Variants in TRIM67 observed in about 807,000 individuals in gnomAD.
TRIM67 encodes the protein tripartite motif containing 67.
A neutral mutation model predicts 71.0 loss-of-function variants in TRIM67; 39 were observed. That is an observed-to-expected ratio of 0.55 (90% CI 0.43 to 0.72). The LOEUF (loss-of-function observed/expected upper bound fraction) is 0.72. Ranked by LOEUF, TRIM67 falls within the 30% of genes least tolerant of loss-of-function variation. The pLI, the probability that TRIM67 is intolerant of heterozygous loss-of-function variation, is 0.00. For missense variants in TRIM67, 973 were observed against 1,079.2 expected, an observed-to-expected ratio of 0.90 and a Z score of 1.38; for synonymous variants, 481 against 473.9, an observed-to-expected ratio of 1.01 and a Z score of -0.19.
chr1:231,177,080 G>C (rs1682774560), intron 1 of TRIM67, among the ~76,000 whole-genome samples: 1 of 152,086 alleles, frequency 6.6e-6, no homozygotes, highest in Non-Finnish European at 1.5e-5. Flanking sequence ...GCTGATTTTG[G>C]TCATTTAAAT....
At chr1:231,212,219 A>G (rs371907524) in intron 8 of TRIM67, among the ~76,000 whole-genome samples, 19 of 152,384 alleles carry the variant, frequency 1.2e-4, no homozygotes, top group African/African-American at 4.3e-4. Context: ...AGTTACAAGA[A>G]GAGCAACGGT....
intron 5 of TRIM67, among the ~76,000 whole-genome samples, chr1:231,202,071 G>GTGGAAA (rs1683545106): frequency 8.1e-6 from 1 of 123,168 alleles, no homozygotes; most frequent in Non-Finnish European, 1.6e-5. Context: ...GGAGATGGAG[G>GTGGAAA]AGGAGGAGGT....
intron 6 of TRIM67, 69 bp downstream of exon 6, chr1:231,204,081 C>A: frequency 1.3e-6 from 2 of 1,589,672 alleles, no homozygotes; most frequent in Non-Finnish European, 1.7e-6. Context: ...GCTCCCACTG[C>A]CCCAGACTCT....
intron 1 of TRIM67, among the ~76,000 whole-genome samples, chr1:231,174,557 G>C (rs1054127250): frequency 6.6e-6 from 1 of 151,802 alleles, no homozygotes; most frequent in African/African-American, 2.4e-5. Flanking sequence ...CCATTTCACT[G>C]GTTATTTTTT....
rs1374998987 is a variant in TRIM67 at position 231,219,328 on chromosome 1, C to A, written c.*3888C>A. 10 of 986,236 alleles carry A rather than the reference C, an allele frequency of 1.0e-5. No individual in the cohort carries two copies. In the African/African-American group the frequency reaches 1.7e-4, roughly 17 times the overall value. The allele number at this position is 986,236 out of a possible 1,614,324, so 61.1% of individuals were successfully genotyped here. A position where few individuals can be genotyped will look rare whatever the true frequency, so the allele number is the denominator to read the frequency against. On this transcript the variant is annotated 3_prime_UTR_variant, in exon 10 of 10. Coordinates refer to ENST00000366653, the MANE Select transcript of TRIM67 (RefSeq NM_001004342.5). The stretch of plus-strand genomic sequence containing the variant: ...AGTATCTGTCGACATTGCTAGGTAT[C>A]TCCTGGGGGCCTCCACAAGTTGAGA...
At chr1:231,169,735 G>T (rs60947613) in intron 1 of TRIM67, among the ~76,000 whole-genome samples, 1 of 152,046 alleles carries the variant, frequency 6.6e-6, no homozygotes, top group Non-Finnish European at 1.5e-5. Flanking sequence ...TCTGGGAAAA[G>T]AAGTGCCTAG....
chr1:231,220,109 C>A lies in TRIM67; in HGVS notation c.*4669C>A. The A allele has an allele frequency of 1.9e-6, 1 of 531,950 alleles. No homozygotes were observed. The highest frequency in any genetic ancestry group is 3.1e-6 in the Non-Finnish European group (1 of 325,562). The allele number at this position is 531,950 out of a possible 1,614,324, so 33.0% of individuals were successfully genotyped here. On this transcript the variant is annotated 3_prime_UTR_variant, in exon 10 of 10. Coordinates refer to ENST00000366653, the MANE Select transcript of TRIM67 (RefSeq NM_001004342.5). ...ATAACATTTTTAAAGAAAAAAAGTG[C>A]AGTCTTTCATCTCTGGCATCTAAGC...
intron 2 of TRIM67, 33 bp from the exon 3 acceptor site, chr1:231,199,014 G>C (rs751393862): frequency 6.2e-7 from 1 of 1,613,540 alleles, no homozygotes; most frequent in South Asian, 1.1e-5. Context: ...AAAACTCTTT[G>C]CTTCTTCCCA....
At position 231,208,896 on chromosome 1, in the gene TRIM67, C is replaced by T. The variant is rs1683785239; in HGVS notation, c.1820-51C>T. The T allele has an allele frequency of 3.3e-6, 5 of 1,504,990 alleles. No individual in the cohort carries two copies. The Admixed American group carries it at 1.1e-4, about 32-fold the overall frequency. The allele number at this position is 1,504,990 out of a possible 1,614,324, so 93.2% of individuals were successfully genotyped here. A position where few individuals can be genotyped will look rare whatever the true frequency, so the allele number is the denominator to read the frequency against. On this transcript the variant is annotated intron_variant, in intron 7 of 9. Coordinates refer to ENST00000366653, the MANE Select transcript of TRIM67 (RefSeq NM_001004342.5). ...GTGTCTCTGAGCCGGTTAGAAACTA[C>T]TAGCAAATTCCATCCCCTGACCCTG...
intron 4 of TRIM67, among the ~76,000 whole-genome samples, chr1:231,201,052 G>A (rs1400090590): frequency 1.3e-5 from 2 of 152,138 alleles, no homozygotes; most frequent in Non-Finnish European, 2.9e-5. Flanking sequence ...TCTAATGAAG[G>A]ATGCATTTGT....
intron 6 of TRIM67, among the ~76,000 whole-genome samples, chr1:231,204,488 G>C (rs1262283810): frequency 6.6e-6 from 1 of 152,172 alleles, no homozygotes; most frequent in African/African-American, 2.4e-5. Flanking sequence ...ACATTCTGCA[G>C]TCATGTCCCT....
intron 1 of TRIM67, among the ~76,000 whole-genome samples, chr1:231,191,456 T>C (rs1683226955): frequency 6.6e-6 from 1 of 152,146 alleles, no homozygotes. Context: ...CTCCGCGGAC[T>C]GGCAAGGGGT....
chr1:231,194,874 A>G (rs904107058), intron 1 of TRIM67, among the ~76,000 whole-genome samples: 3 of 151,946 alleles, frequency 2.0e-5, no homozygotes, highest in African/African-American at 7.3e-5. Flanking sequence ...TTATAGAGAG[A>G]GGGTGAGGAT....
intron 5 of TRIM67, among the ~76,000 whole-genome samples, chr1:231,202,849 C>T (rs914348517): frequency 6.6e-6 from 1 of 152,098 alleles, no homozygotes; most frequent in African/African-American, 2.4e-5. Context: ...AGAGAGGTCC[C>T]CTTGGAAAGT....
In TRIM67 at chr1:231,217,339, G is replaced by A. The variant is rs1684040046; in HGVS notation, c.*1899G>A. 2.0e-6 allele frequency: 2 copies of A among 985,728 alleles called. No individual in the cohort carries two copies. Among genetic ancestry groups the A allele is most frequent in the East Asian group, 1.1e-4 (1 of 8,822 alleles). 61.1% of individuals were successfully genotyped at this position (985,728 alleles called of 1,614,324 possible). On this transcript the variant is annotated 3_prime_UTR_variant, in exon 10 of 10. Transcript: ENST00000366653. ...TGTCATCTCACCAAGCGGTTTCTGG[G>A]TCTCCTCCTCCCATCCCAGAGCCCT... is the stretch of plus-strand genomic sequence containing the variant.
At chr1:231,164,807 A>G (rs545014000) in intron 1 of TRIM67, among the ~76,000 whole-genome samples, 2 of 152,358 alleles carry the variant, frequency 1.3e-5, no homozygotes, top group East Asian at 3.9e-4. Flanking sequence ...AAAGGTGAGC[A>G]CAGATGAGAG....
Position 231,184,867 on chromosome 1 carries a change from G to A in TRIM67, c.1045-12504G>A, listed in dbSNP as rs538937640. ...TATCATCACCCCAATTCACACGTGAGGACACGAAGTCTCACAGAGGGCAAG... is the reference window on the plus strand; with the variant it reads ...TATCATCACCCCAATTCACACGTGAAGACACGAAGTCTCACAGAGGGCAAG... On this transcript the variant is annotated intron_variant, in intron 1 of 9. Transcript: ENST00000366653. The A allele has an allele frequency of 5.8e-6, 4 of 688,218 alleles. No individual in the cohort carries two copies. The East Asian group carries it at 1.1e-4, about 19-fold the overall frequency. The allele number at this position is 688,218 out of a possible 1,614,324, so 42.6% of individuals were successfully genotyped here. A position where few individuals can be genotyped will look rare whatever the true frequency, so the allele number is the denominator to read the frequency against.
intron 1 of TRIM67, among the ~76,000 whole-genome samples, chr1:231,190,785 G>A (rs563133287): frequency 4.4e-4 from 67 of 152,260 alleles, no homozygotes; most frequent in African/African-American, 1.3e-3. Flanking sequence ...TGGGGAATCC[G>A]GGAGGTCTGG....
rs1684048683 is a variant in TRIM67, at chr1:231,217,624, G to A, written c.*2184G>A. 8.9e-7 allele frequency: 1 copy of A among 1,123,116 alleles called. No homozygotes were observed. Among genetic ancestry groups the A allele is most frequent in the Non-Finnish European group, 1.1e-6 (1 of 904,414 alleles). The allele number at this position is 1,123,116 out of a possible 1,614,324, so 69.6% of individuals were successfully genotyped here. A position where few individuals can be genotyped will look rare whatever the true frequency, so the allele number is the denominator to read the frequency against. On this transcript the variant is annotated 3_prime_UTR_variant, in exon 10 of 10. Coordinates refer to ENST00000366653, the MANE Select transcript of TRIM67 (RefSeq NM_001004342.5). The stretch of plus-strand genomic sequence containing the variant: ...CAGGCCTACACCCTGCCCCCAGAAT[G>A]AGAGTGGGCTAGGCAGGGCTGCCTG...
Sources: allele counts gnomAD v4.1 joint callset (sites outside exome capture counted in the v4.1 genomes callset), GRCh38; gene constraint gnomAD v4.1.1; transcripts MANE v1.5; gene names NCBI Gene and HGNC (gene_info 2026-07-23, HGNC 2026-07-21).